The following ABCC4 variants were observed in gnomAD, a reference collection of about 807,000 sequenced individuals.
ABCC4 encodes ATP binding cassette subfamily C member 4 (PEL blood group), also known as ATP-binding cassette sub-family C member 4.
ABCC4 carries 102 observed loss-of-function variants against 168.5 expected under a neutral mutation model. The ratio of observed to expected loss-of-function variants is 0.61; its 90% CI spans 0.52 to 0.71. The LOEUF (loss-of-function observed/expected upper bound fraction) is 0.71, where lower values mean the gene tolerates loss of function less well. Ranked by LOEUF, ABCC4 falls within the 30% of genes least tolerant of loss-of-function variation. The probability of loss-of-function intolerance (pLI) is 0.00; values close to 1 mark genes in which losing one functional copy is unlikely to be tolerated. For missense variants in ABCC4, 1,402 were observed against 1,605.8 expected (o/e 0.87, Z 2.17); for synonymous variants, 617 against 590.7 (o/e 1.04, Z -0.65).
chr13:95,285,354 C>A, intron 1 of ABCC4, among the ~76,000 whole-genome samples: 1 of 152,014 alleles, frequency 6.6e-6, no homozygotes, highest in East Asian at 1.9e-4. Flanking sequence ...AGTTCAAGAC[C>A]AACCTGACCA....
intron 1 of ABCC4, among the ~76,000 whole-genome samples, chr13:95,300,779 T>C (rs551881421): frequency 2.8e-4 from 43 of 152,306 alleles, no homozygotes; most frequent in African/African-American, 1.0e-3. Flanking sequence ...CGTAAGCTGC[T>C]TACTTAAAAA....
At position 95,021,292 on chromosome 13, in the gene ABCC4, G is replaced by C; in HGVS notation, c.*283C>G. 3.5e-6 allele frequency: 1 copy of C among 287,260 alleles called. No homozygotes were observed. Among genetic ancestry groups the C allele is most frequent in the Middle Eastern group, 1.0e-3 (1 of 1,002 alleles). 17.8% of individuals were successfully genotyped at this position (287,260 alleles called of 1,614,324 possible). On this transcript the variant is annotated 3_prime_UTR_variant, in exon 31 of 31. Coordinates refer to ENST00000645237, the MANE Select transcript of ABCC4 (RefSeq NM_005845.5). ...TCCTACTCCTTTAAAAATGAGCTTTGACTCTGTAGTCTCTTAAGGCACAAA... is the reference window on the plus strand; with the variant it reads ...TCCTACTCCTTTAAAAATGAGCTTTCACTCTGTAGTCTCTTAAGGCACAAA...
intron 8 of ABCC4, among the ~76,000 whole-genome samples, chr13:95,203,710 C>T (rs189910006): frequency 2.0e-4 from 31 of 152,044 alleles, no homozygotes; most frequent in Admixed American, 1.8e-3. Context: ...AAGAGCAGGT[C>T]CACCAAGTCC....
At chr13:95,055,098 G>A (rs1343996846) in intron 26 of ABCC4, among the ~76,000 whole-genome samples, 5 of 152,176 alleles carry the variant, frequency 3.3e-5, no homozygotes, top group African/African-American at 1.2e-4. Flanking sequence ...AAATGGAACT[G>A]AAAAATTCCA....
intron 4 of ABCC4, among the ~76,000 whole-genome samples, chr13:95,218,929 G>C (rs1161261573): frequency 5.1e-5 from 1 of 19,662 alleles, no homozygotes; most frequent in Non-Finnish European, 1.4e-4. Context: ...GAAAGAAAGA[G>C]AAAGAAAGAA....
At chr13:95,189,295 A>T (rs2448299) in intron 9 of ABCC4, among the ~76,000 whole-genome samples, 1 of 149,418 alleles carries the variant, frequency 6.7e-6, no homozygotes, top group African/African-American at 2.5e-5. Flanking sequence ...CACTGCGCCC[A>T]GCTAATTTTT....
At chr13:95,107,396 T>C (rs941259272) in intron 20 of ABCC4, among the ~76,000 whole-genome samples, 1 of 152,246 alleles carries the variant, frequency 6.6e-6, no homozygotes, top group Non-Finnish European at 1.5e-5. Flanking sequence ...GTATTTAAAT[T>C]TAACTCTTTA....
chr13:95,254,842 A>G (rs1401520922), intron 1 of ABCC4, among the ~76,000 whole-genome samples: 1 of 152,116 alleles, frequency 6.6e-6, no homozygotes, highest in Non-Finnish European at 1.5e-5. Context: ...GGAGGCATCT[A>G]GGCTCCACAA....
intron 15 of ABCC4, among the ~76,000 whole-genome samples, chr13:95,164,756 G>A (rs1326209359): frequency 1.3e-5 from 2 of 151,910 alleles, no homozygotes; most frequent in East Asian, 1.9e-4. Context: ...GTGTAGTGGC[G>A]CGATCTTGGC....
At chr13:95,273,816 GT>G (rs753327163) in intron 1 of ABCC4, among the ~76,000 whole-genome samples, 1,000 of 98,576 alleles carry the variant, frequency 0.01, 3 homozygotes, top group Middle Eastern at 0.028. Context: ...TTTTTGGTTT[GT>G]TTTTTTTTTT....
chr13:95,137,666 G>T (rs957149918), intron 19 of ABCC4, among the ~76,000 whole-genome samples: 1 of 152,088 alleles, frequency 6.6e-6, no homozygotes. Flanking sequence ...TTCGAAAGAT[G>T]GGGGGGAACT....
chr13:95,104,270 C>T (rs2034919488), intron 20 of ABCC4, among the ~76,000 whole-genome samples: 1 of 152,136 alleles, frequency 6.6e-6, no homozygotes, highest in Non-Finnish European at 1.5e-5. Context: ...TGCACCACCA[C>T]TCCCAGCTAA....
intron 4 of ABCC4, among the ~76,000 whole-genome samples, chr13:95,219,404 T>TG (rs2039248337): frequency 6.6e-6 from 1 of 152,052 alleles, no homozygotes; most frequent in South Asian, 2.1e-4. Context: ...AGGACATACA[T>TG]GGGGACAAAT....
chr13:95,295,154 A>G (rs2041496914), intron 1 of ABCC4, among the ~76,000 whole-genome samples: 1 of 152,100 alleles, frequency 6.6e-6, no homozygotes. Flanking sequence ...CAACCAGGAA[A>G]TAATGCTTTA....
intron 1 of ABCC4, among the ~76,000 whole-genome samples, chr13:95,292,915 GT>G (rs2041438318): frequency 6.6e-6 from 1 of 152,206 alleles, no homozygotes. Flanking sequence ...GGGGCTGGAA[GT>G]GGGAGAAGCA....
chr13:95,220,461 A>C (rs1343120445), intron 4 of ABCC4, among the ~76,000 whole-genome samples: 2 of 152,218 alleles, frequency 1.3e-5, no homozygotes, highest in African/African-American at 4.8e-5. Flanking sequence ...TAATACTGCA[A>C]AATTCATTCC....
chr13:95,088,794 G>A (rs1464218008), intron 20 of ABCC4, among the ~76,000 whole-genome samples: 1 of 151,086 alleles, frequency 6.6e-6, no homozygotes, highest in African/African-American at 2.4e-5. Flanking sequence ...ACCTTACAAA[G>A]ATAGAAAAAT....
chr13:95,214,390 T>C (rs1177071652), intron 4 of ABCC4, among the ~76,000 whole-genome samples: 19 of 152,186 alleles, frequency 1.2e-4, no homozygotes, highest in Admixed American at 9.8e-4. Flanking sequence ...AAATAATGAC[T>C]GGAATTTTAC....
intron 1 of ABCC4, among the ~76,000 whole-genome samples, chr13:95,263,083 T>C (rs547309840): frequency 2.0e-4 from 30 of 152,304 alleles, no homozygotes; most frequent in Non-Finnish European, 2.4e-4. Flanking sequence ...AAGTGCAGTC[T>C]AGTGCATCAA....
Sources: gnomAD v4.1 joint callset for allele counts (sites outside exome capture counted in the v4.1 genomes callset) on GRCh38, gnomAD v4.1.1 for gene constraint, MANE v1.5 for transcripts, NCBI Gene and HGNC (gene_info 2026-07-23, HGNC 2026-07-21) for gene names.